Variants in CYP20A1 observed in about 807,000 individuals in gnomAD.
CYP20A1 encodes cytochrome P450 family 20 subfamily A member 1, also known as cytochrome P450 20A1.
Under a neutral mutation model 61.4 loss-of-function variants are expected in CYP20A1, and 61 were observed. The observed-to-expected ratio is 0.99, with a 90% confidence interval of 0.81 to 1.23. CYP20A1 has a LOEUF of 1.23. CYP20A1 is among the 50% of genes most tolerant of loss of function. The pLI is 0.00. For synonymous variants in CYP20A1, 193 were observed against 188.2 expected (o/e 1.03, Z -0.21); for missense variants, 530 against 542.4 (o/e 0.98, Z 0.23).
intron 8 of CYP20A1, among the ~76,000 whole-genome samples, chr2:203,283,718 T>C (rs191938426): frequency 6.6e-6 from 1 of 151,128 alleles, no homozygotes; most frequent in East Asian, 2.0e-4. Context: ...CCAGCTAATT[T>C]TTGTATTTTT....
chr2:203,265,202 C>T (rs1036416295), intron 4 of CYP20A1, among the ~76,000 whole-genome samples: 1 of 152,136 alleles, frequency 6.6e-6, no homozygotes, highest in African/African-American at 2.4e-5. Context: ...CTATCCTGTG[C>T]ATGGTAGGAT....
intron 11 of CYP20A1, among the ~76,000 whole-genome samples, chr2:203,292,605 C>T (rs879695055): frequency 9.9e-5 from 15 of 152,098 alleles, no homozygotes; most frequent in African/African-American, 2.2e-4. Flanking sequence ...ACCACAGGCG[C>T]GTGCTGCCAC....
At chr2:203,270,736 CTTTTTTTTTTT>C (rs551427259) in intron 5 of CYP20A1, among the ~76,000 whole-genome samples, 2 of 127,978 alleles carry the variant, frequency 1.6e-5, no homozygotes, top group Non-Finnish European at 3.3e-5. Context: ...TTTTTTTTTT[CTTTTTTTTTTT>C]TTTTAGGCTG....
At chr2:203,267,827 G>A (rs1478420686) in intron 5 of CYP20A1, among the ~76,000 whole-genome samples, 9 of 146,518 alleles carry the variant, frequency 6.1e-5, no homozygotes, top group Non-Finnish European at 8.9e-5. Flanking sequence ...CTGGGCTACA[G>A]AGCAAGAGTC....
intron 1 of CYP20A1, among the ~76,000 whole-genome samples, chr2:203,244,515 TTC>T (rs891381450): frequency 4.6e-5 from 7 of 151,770 alleles, no homozygotes; most frequent in Non-Finnish European, 8.8e-5. Context: ...AGCAGTTTTC[TTC>T]TGTTTCTTGC....
chr2:203,278,771 T>A, intron 7 of CYP20A1, 83 bp downstream of exon 7: 1 of 696,326 alleles, frequency 1.4e-6, no homozygotes, highest in Non-Finnish European at 2.3e-6. Context: ...TCCCAGCTAC[T>A]TGAGAGGGTG....
chr2:203,245,383 C>T (rs1183399280), intron 1 of CYP20A1, among the ~76,000 whole-genome samples: 2 of 145,442 alleles, frequency 1.4e-5, no homozygotes, highest in African/African-American at 5.2e-5. Context: ...TTCAGGGGTA[C>T]AAGTGCAGAT....
intron 10 of CYP20A1, among the ~76,000 whole-genome samples, chr2:203,290,884 C>T (rs1390013916): frequency 2.0e-4 from 30 of 152,086 alleles, no homozygotes; most frequent in Admixed American, 2.0e-3. Context: ...CTCAAGTGAT[C>T]CACCTGCCTC....
In CYP20A1 at chr2:203,239,041, T is replaced by C; in HGVS notation, c.-22T>C. 6.2e-7 allele frequency: 1 copy of C among 1,611,550 alleles called. No individual in the cohort carries two copies. Among genetic ancestry groups the C allele is most frequent in the South Asian group, 1.1e-5 (1 of 91,054 alleles). On this transcript the variant is annotated 5_prime_UTR_variant, in exon 1 of 13. Coordinates refer to ENST00000356079, the MANE Select transcript of CYP20A1 (RefSeq NM_177538.3). ...CTGCTGGAGCGGCCGATCCGAGACG[T>C]GGCTCCCTGGGCGGCAGAACCATGT...
intron 4 of CYP20A1, among the ~76,000 whole-genome samples, chr2:203,254,547 CAA>C (rs377673483): frequency 3.9e-5 from 4 of 101,570 alleles, no homozygotes; most frequent in Non-Finnish European, 4.1e-5. Flanking sequence ...AGACTCGTCT[CAA>C]AAAAAAAAAA....
chr2:203,276,690 T>G (rs77350708), intron 6 of CYP20A1, among the ~76,000 whole-genome samples: 113 of 152,130 alleles, frequency 7.4e-4, no homozygotes, highest in Middle Eastern at 3.4e-3. Flanking sequence ...GATCCAGGAT[T>G]TGGGGGAAAG....
At chr2:203,284,909 C>G (rs1475244524) in intron 8 of CYP20A1, among the ~76,000 whole-genome samples, 2 of 151,868 alleles carry the variant, frequency 1.3e-5, no homozygotes, top group African/African-American at 4.8e-5. Flanking sequence ...CCACACCCAG[C>G]TGATTTTTGA....
At chr2:203,261,781 C>G (rs2067147142) in intron 4 of CYP20A1, among the ~76,000 whole-genome samples, 1 of 151,670 alleles carries the variant, frequency 6.6e-6, no homozygotes, top group Non-Finnish European at 1.5e-5. Context: ...ATTAGCAAAA[C>G]TTGTTGCAAA....
Position 203,299,271 on chromosome 2 carries a change from C to T in CYP20A1, c.*2363C>T, listed in dbSNP as rs2068929884. 6.6e-6 allele frequency among the ~76,000 whole-genome samples: 1 copy of T among 151,952 alleles called. No homozygotes were observed. The highest frequency in any genetic ancestry group is 1.5e-5 in the Non-Finnish European group (1 of 68,000). On this transcript the variant is annotated 3_prime_UTR_variant, in exon 13 of 13. Coordinates refer to ENST00000356079, the MANE Select transcript of CYP20A1 (RefSeq NM_177538.3). Reference sequence around the variant, plus strand: ...TGTCTGCAAGTGGGCTTATTTTTAACACTGCTGAATTTCATTTGTAATTTT... The same window carrying T: ...TGTCTGCAAGTGGGCTTATTTTTAATACTGCTGAATTTCATTTGTAATTTT...
chr2:203,268,574 T>C (rs1176887164), intron 5 of CYP20A1, among the ~76,000 whole-genome samples: 1 of 152,100 alleles, frequency 6.6e-6, no homozygotes, highest in African/African-American at 2.4e-5. Context: ...AAACAGGACT[T>C]ATTCTTCCTC....
intron 1 of CYP20A1, 67 bp downstream of exon 1, chr2:203,239,201 G>A: frequency 7.4e-7 from 1 of 1,356,830 alleles, no homozygotes; most frequent in South Asian, 1.2e-5. Flanking sequence ...CGGCATCCAG[G>A]CCAACCTGCC....
At chr2:203,286,277 G>A (rs2068265422) in intron 9 of CYP20A1, among the ~76,000 whole-genome samples, 1 of 152,042 alleles carries the variant, frequency 6.6e-6, no homozygotes, top group South Asian at 2.1e-4. Flanking sequence ...GCAAGACCCT[G>A]TCTCAAAAGA....
intron 10 of CYP20A1, among the ~76,000 whole-genome samples, chr2:203,291,837 C>T (rs2068548648): frequency 6.6e-6 from 1 of 152,140 alleles, no homozygotes; most frequent in African/African-American, 2.4e-5. Context: ...GCTCCCTCCA[C>T]GCCACAACAG....
At chr2:203,268,355 G>C (rs769685650) in intron 5 of CYP20A1, among the ~76,000 whole-genome samples, 6 of 152,144 alleles carry the variant, frequency 3.9e-5, no homozygotes, top group Non-Finnish European at 7.4e-5. Flanking sequence ...GTAGATATCA[G>C]ATCTCTTTAA....
Sources: allele counts gnomAD v4.1 joint callset (sites outside exome capture counted in the v4.1 genomes callset), GRCh38; gene constraint gnomAD v4.1.1; transcripts MANE v1.5; gene names NCBI Gene and HGNC (gene_info 2026-07-23, HGNC 2026-07-21).